The following ATIC variants were observed in gnomAD, a reference collection of about 807,000 sequenced individuals.
The protein encoded by ATIC is bifunctional purine biosynthesis protein ATIC.
Under a neutral mutation model 72.5 loss-of-function variants are expected in ATIC, and 64 were observed. That is an observed-to-expected ratio of 0.88 (90% CI 0.72 to 1.09). The LOEUF is 1.09. ATIC is among the 50% of genes least tolerant of loss of function. The pLI is 0.00. For missense variants in ATIC, 787 were observed against 732.4 expected, an observed-to-expected ratio of 1.07 and a Z score of -0.86; for synonymous variants, 281 against 267.1, an observed-to-expected ratio of 1.05 and a Z score of -0.51.
chr2:215,339,698 G>C (rs911601036), intron 12 of ATIC, among the ~76,000 whole-genome samples: 6 of 151,650 alleles, frequency 4.0e-5, no homozygotes, highest in African/African-American at 9.7e-5. Flanking sequence ...GCAGTGGTGC[G>C]ATCTCGGGTC....
chr2:215,319,479 G>A (rs956886569), intron 3 of ATIC, among the ~76,000 whole-genome samples, 186 bp from the exon 4 acceptor site: 2 of 152,076 alleles, frequency 1.3e-5, no homozygotes, highest in East Asian at 3.9e-4. Flanking sequence ...GGAGGTCAGG[G>A]CTATAGTGAG....
chr2:215,330,124 G>C (rs138430997), intron 7 of ATIC, among the ~76,000 whole-genome samples: 1 of 152,158 alleles, frequency 6.6e-6, no homozygotes, highest in Non-Finnish European at 1.5e-5. Context: ...ATCAACCTTA[G>C]CCTAAACCAT....
At chr2:215,367,803 G>A in the ATIC span, 1 of 1,537,436 alleles carries the variant, frequency 6.5e-7, no homozygotes, top group Non-Finnish European at 9.0e-7. Flanking sequence ...TGGCACATGA[G>A]TGCATGCATG....
chr2:215,335,225 TG>T (rs556425297), intron 10 of ATIC, among the ~76,000 whole-genome samples: 77 of 152,362 alleles, frequency 5.1e-4, no homozygotes, highest in African/African-American at 1.8e-3. Context: ...GCTGTTATGA[TG>T]TTTTTTACTT....
At chr2:215,314,306 C>A (rs1056166294) in intron 2 of ATIC, among the ~76,000 whole-genome samples, 1 of 152,158 alleles carries the variant, frequency 6.6e-6, no homozygotes, top group Non-Finnish European at 1.5e-5. Flanking sequence ...GTTTTTTCTT[C>A]AACAAAGGCC....
intron 2 of ATIC, among the ~76,000 whole-genome samples, chr2:215,313,507 G>GA (rs1350597459): frequency 6.6e-6 from 1 of 151,950 alleles, no homozygotes; most frequent in African/African-American, 2.4e-5. Flanking sequence ...GTAGAAAAAT[G>GA]AAAAAAACTA....
At chr2:215,344,183 G>A (rs1243759545) in intron 12 of ATIC, among the ~76,000 whole-genome samples, 1 of 152,198 alleles carries the variant, frequency 6.6e-6, no homozygotes, top group African/African-American at 2.4e-5. Context: ...GGATATGGTA[G>A]TTCTTACCTC....
At chr2:215,328,537 C>A (rs537342725) in intron 7 of ATIC, among the ~76,000 whole-genome samples, 1 of 152,208 alleles carries the variant, frequency 6.6e-6, no homozygotes, top group South Asian at 2.1e-4. Context: ...CAGAATTCTT[C>A]CCTCTGCCCT....
At chr2:215,341,493 T>C (rs1320697903) in intron 12 of ATIC, among the ~76,000 whole-genome samples, 1 of 152,212 alleles carries the variant, frequency 6.6e-6, no homozygotes, top group African/African-American at 2.4e-5. Flanking sequence ...TCATATGAAT[T>C]CTTAGTAGAA....
chr2:215,325,954 T>C, intron 5 of ATIC, 33 bp from the exon 6 acceptor site: 1 of 1,612,468 alleles, frequency 6.2e-7, no homozygotes, highest in Non-Finnish European at 8.5e-7. Context: ...GATAGGGACA[T>C]ACAAAAATCA....
At chr2:215,330,043 A>G (rs2052873824) in intron 7 of ATIC, among the ~76,000 whole-genome samples, 1 of 152,214 alleles carries the variant, frequency 6.6e-6, no homozygotes, top group Non-Finnish European at 1.5e-5. Flanking sequence ...GATTACAGGC[A>G]TGAGCCACCG....
At chr2:215,321,396 GGTT>G in intron 4 of ATIC, among the ~76,000 whole-genome samples, 1 of 152,158 alleles carries the variant, frequency 6.6e-6, no homozygotes, top group East Asian at 1.9e-4. Flanking sequence ...TGGACATTTG[GGTT>G]GTTTCTACTT....
intron 4 of ATIC, among the ~76,000 whole-genome samples, chr2:215,321,016 G>A (rs2052761017): frequency 6.6e-6 from 1 of 152,122 alleles, no homozygotes; most frequent in South Asian, 2.1e-4. Context: ...CAACATTGGG[G>A]ATCACATTGC....
At position 215,344,865 on chromosome 2, in the gene ATIC, C is replaced by T. The variant is rs553792539; in HGVS notation, c.1314C>T (p.Asn438=). ...CTAACTCTGTGTGCTACGCCAAGAA[C>T]GGGCAGGTAAGTGGGCTGTTGGACT... ...TQSNSVCYAK[N]GQVIGIGAGQ... is the part of the protein sequence containing the mutation. The change falls in exon 13 of 16, where the codon AAC becomes AAT. Residue 438 remains asparagine, a synonymous_variant. Transcript: ENST00000236959. 6.4e-5 allele frequency: 104 copies of T among 1,613,838 alleles called. No homozygotes were observed. Among genetic ancestry groups the T allele is most frequent in the Non-Finnish European group, 8.6e-5 (101 of 1,179,964 alleles).
rs2052903873 is a variant in ATIC at position 215,332,289 on chromosome 2, A to G, written c.689-93A>G. ...TTTGGCTCTTAATTATACTTAAAAC[A>G]TTTGTTTAGTCATGTTATTTTTTTG... On this transcript the variant is annotated intron_variant, in intron 7 of 15. Transcript: ENST00000236959. 6 of 1,544,032 alleles carry G rather than the reference A, an allele frequency of 3.9e-6. No individual in the cohort carries two copies. In the South Asian group the frequency reaches 5.6e-5, roughly 14 times the overall value.
At chr2:215,366,081 GT>G in the ATIC span, among the ~76,000 whole-genome samples, 1 of 149,134 alleles carries the variant, frequency 6.7e-6, no homozygotes, top group African/African-American at 2.5e-5. Context: ...GCCTCCAAAA[GT>G]GCTGGGATTA....
intron 7 of ATIC, among the ~76,000 whole-genome samples, chr2:215,330,964 G>A (rs1317896834): frequency 6.6e-6 from 1 of 152,006 alleles, no homozygotes; most frequent in African/African-American, 2.4e-5. Context: ...TCTTTTTGTG[G>A]GTTGGTAGCT....
intron 4 of ATIC, among the ~76,000 whole-genome samples, chr2:215,322,329 CTT>C (rs762086501): frequency 5.1e-5 from 7 of 137,240 alleles, no homozygotes; most frequent in Non-Finnish European, 4.7e-5. Context: ...TATTTTCTTT[CTT>C]TTTTTTTTTT....
intron 4 of ATIC, among the ~76,000 whole-genome samples, chr2:215,321,286 T>A (rs1400915849): frequency 1.3e-5 from 2 of 152,322 alleles, no homozygotes; most frequent in African/African-American, 4.8e-5. Context: ...TCAAGGTTTA[T>A]CCATGTTATA....
Sources: allele counts gnomAD v4.1 joint callset (sites outside exome capture counted in the v4.1 genomes callset), GRCh38; gene constraint gnomAD v4.1.1; transcripts MANE v1.5; gene names NCBI Gene and HGNC (gene_info 2026-07-23, HGNC 2026-07-21).